GALNT13: variants seen among roughly 807,000 people sequenced by gnomAD.
GALNT13 encodes the protein polypeptide N-acetylgalactosaminyltransferase 13, also known as UDP-GalNAc:polypeptide N-acetylgalactosaminyltransferase 13.
A neutral mutation model predicts 64.2 loss-of-function variants in GALNT13; 28 were observed. That is an observed-to-expected ratio of 0.44 (90% CI 0.32 to 0.60). The LOEUF is 0.60. GALNT13 is among the 20% of genes least tolerant of loss of function. GALNT13 has a pLI of 0.05. For missense variants in GALNT13, 577 were observed against 669.8 expected (o/e 0.86, Z 1.53); for synonymous variants, 214 against 224.6 (o/e 0.95, Z 0.42).
chr2:153,780,418 C>A, the GALNT13 span, among the ~76,000 whole-genome samples: 1 of 151,982 alleles, frequency 6.6e-6, no homozygotes, highest in African/African-American at 2.4e-5. Flanking sequence ...ATCAGGCAGT[C>A]CTTGCTTATG....
the GALNT13 span, among the ~76,000 whole-genome samples, chr2:153,213,526 A>C: frequency 6.6e-6 from 1 of 152,210 alleles, no homozygotes; most frequent in Non-Finnish European, 1.5e-5. Flanking sequence ...ATTGTCTGTC[A>C]GTGTTATGTA....
chr2:153,296,704 T>G, the GALNT13 span, among the ~76,000 whole-genome samples: 2 of 152,198 alleles, frequency 1.3e-5, no homozygotes, highest in African/African-American at 4.8e-5. Flanking sequence ...ACAGCATATT[T>G]TCACTTTAGT....
At chr2:154,356,841 T>G (rs561597808) in intron 9 of GALNT13, among the ~76,000 whole-genome samples, 6 of 152,068 alleles carry the variant, frequency 3.9e-5, no homozygotes, top group Non-Finnish European at 8.8e-5. Context: ...AATACTTTGC[T>G]GTTAGCACAT....
chr2:154,438,996 T>C (rs1219676065), intron 12 of GALNT13, among the ~76,000 whole-genome samples: 1 of 152,150 alleles, frequency 6.6e-6, no homozygotes, highest in Non-Finnish European at 1.5e-5. Context: ...CAAACATAAA[T>C]TAGGCAAGAG....
chr2:154,233,347 T>G (rs1158784519), intron 4 of GALNT13, among the ~76,000 whole-genome samples: 1 of 152,092 alleles, frequency 6.6e-6, no homozygotes, highest in Non-Finnish European at 1.5e-5. Context: ...ATAACGAAGT[T>G]CTGGAGGTTA....
chr2:154,406,559 C>A (rs1272756487), intron 10 of GALNT13, among the ~76,000 whole-genome samples: 1 of 152,112 alleles, frequency 6.6e-6, no homozygotes, highest in Non-Finnish European at 1.5e-5. Context: ...AATGTCCTTC[C>A]ATAGATGAAA....
intron 3 of GALNT13, among the ~76,000 whole-genome samples, chr2:154,106,303 A>G (rs1451001133): frequency 6.6e-6 from 1 of 152,122 alleles, no homozygotes; most frequent in Non-Finnish European, 1.5e-5. Context: ...GAAGATTTTT[A>G]GTTTTGCATT....
chr2:154,210,320 T>C (rs1687692259), intron 4 of GALNT13, among the ~76,000 whole-genome samples: 1 of 152,212 alleles, frequency 6.6e-6, no homozygotes, highest in Admixed American at 6.5e-5. Context: ...CTCTTCAGCA[T>C]GCTAATTTCG....
At chr2:154,151,941 A>G (rs1684057061) in intron 4 of GALNT13, among the ~76,000 whole-genome samples, 1 of 152,140 alleles carries the variant, frequency 6.6e-6, no homozygotes, top group African/African-American at 2.4e-5. Flanking sequence ...TTTAAGGCTA[A>G]TATTGTTATG....
chr2:154,168,243 G>T (rs1033439585), intron 4 of GALNT13, among the ~76,000 whole-genome samples: 2 of 152,134 alleles, frequency 1.3e-5, no homozygotes, highest in Admixed American at 6.5e-5. Flanking sequence ...TCTGCAGAGT[G>T]TATCGGCAGA....
chr2:153,782,884 TGTGAGCTCACTCACTCACATGGTTA>T, the GALNT13 span, among the ~76,000 whole-genome samples: 1 of 152,192 alleles, frequency 6.6e-6, no homozygotes, highest in East Asian at 1.9e-4. Context: ...CCAACAACCA[TGTGAGCTCACTCACTCACATGGTTA>T]GTGAGCTCTT....
intron 7 of GALNT13, among the ~76,000 whole-genome samples, chr2:154,250,234 A>G (rs1689997388): frequency 1.3e-5 from 2 of 152,102 alleles, no homozygotes; most frequent in African/African-American, 4.8e-5. Context: ...AATAAATGTG[A>G]CAAGTACCCA....
At chr2:153,686,574 CGTT>C in the GALNT13 span, among the ~76,000 whole-genome samples, 10 of 151,874 alleles carry the variant, frequency 6.6e-5, no homozygotes, top group African/African-American at 2.4e-4. Flanking sequence ...TATAGGAACA[CGTT>C]GTCCACAAAC....
the GALNT13 span, among the ~76,000 whole-genome samples, chr2:153,637,647 T>C: frequency 9.2e-5 from 14 of 152,314 alleles, no homozygotes; most frequent in East Asian, 2.5e-3. Context: ...TTTTATTCTA[T>C]ATGCAGAATT....
At chr2:153,881,919 T>A (rs988293795) in intron 1 of GALNT13, among the ~76,000 whole-genome samples, 2 of 152,152 alleles carry the variant, frequency 1.3e-5, no homozygotes, top group African/African-American at 4.8e-5. Context: ...ACATTATTAC[T>A]ATCATGATTA....
At chr2:154,011,459 G>T (rs1419951400) in intron 3 of GALNT13, among the ~76,000 whole-genome samples, 2 of 152,082 alleles carry the variant, frequency 1.3e-5, no homozygotes, top group African/African-American at 4.8e-5. Flanking sequence ...CAGCTTTTTT[G>T]AATTTGCTGA....
At chr2:153,249,323 T>C in the GALNT13 span, among the ~76,000 whole-genome samples, 4 of 152,178 alleles carry the variant, frequency 2.6e-5, no homozygotes, top group South Asian at 4.1e-4. Context: ...TTATAAGGGA[T>C]GTGAAGGACC....
the GALNT13 span, among the ~76,000 whole-genome samples, chr2:153,816,817 A>T: frequency 6.6e-6 from 1 of 152,186 alleles, no homozygotes; most frequent in African/African-American, 2.4e-5. Context: ...TATCCACAGT[A>T]AATAATGGTA....
chr2:154,231,442 T>C (rs1212233455), intron 4 of GALNT13, among the ~76,000 whole-genome samples: 1 of 152,076 alleles, frequency 6.6e-6, no homozygotes, highest in Non-Finnish European at 1.5e-5. Context: ...AGATGGATTT[T>C]GTTTTGTTTT....
Sources: allele counts gnomAD v4.1 joint callset (sites outside exome capture counted in the v4.1 genomes callset), GRCh38; gene constraint gnomAD v4.1.1; transcripts MANE v1.5; gene names NCBI Gene and HGNC (gene_info 2026-07-23, HGNC 2026-07-21).